CYTH1: variants seen among roughly 807,000 people sequenced by gnomAD.
The protein encoded by CYTH1 is cytohesin 1.
A neutral mutation model predicts 61.8 loss-of-function variants in CYTH1; 18 were observed. The observed-to-expected ratio is 0.29, with a 90% CI of 0.20 to 0.43. CYTH1 has a LOEUF of 0.43. CYTH1 is among the 20% of genes least tolerant of loss of function. The probability of loss-of-function intolerance (pLI) is 1.00; values close to 1 mark genes in which losing one functional copy is unlikely to be tolerated. For synonymous variants in CYTH1, 174 were observed against 184.3 expected (o/e 0.94, Z 0.45); for missense variants, 336 against 510.5 (o/e 0.66, Z 3.29).
chr17:78,694,395 C>T (rs1168129326), intron 10 of CYTH1, among the ~76,000 whole-genome samples: 1 of 152,072 alleles, frequency 6.6e-6, no homozygotes, highest in Non-Finnish European at 1.5e-5. Context: ...GCCACTGGTC[C>T]CTAAAGGTTA....
At chr17:78,701,833 T>G in intron 5 of CYTH1, 82 bp from the exon 6 acceptor site, 5 of 1,377,532 alleles carry the variant, frequency 3.6e-6, no homozygotes, top group South Asian at 1.2e-5. Context: ...CCATGTCTCC[T>G]ACACTGCGTC....
intron 1 of CYTH1, among the ~76,000 whole-genome samples, chr17:78,730,408 G>A (rs1440195491): frequency 2.0e-5 from 3 of 149,008 alleles, no homozygotes; most frequent in Non-Finnish European, 3.0e-5. Flanking sequence ...GCATGGTGGC[G>A]GGTGCCTGTA....
At chr17:78,708,671 C>T (rs967284940) in intron 2 of CYTH1, among the ~76,000 whole-genome samples, 7 of 152,252 alleles carry the variant, frequency 4.6e-5, no homozygotes, top group African/African-American at 1.4e-4. Context: ...GCAGAGCCTG[C>T]AGTAGCTGTG....
In CYTH1 at chr17:78,756,716, G is replaced by C. The variant is rs192447546; in HGVS notation, c.22+25486C>G. On this transcript the variant is annotated intron_variant, in intron 1 of 13. Coordinates refer to ENST00000446868, the MANE Select transcript of CYTH1 (RefSeq NM_004762.6). ...ATTTTGGGGACACAGATGTCTATTAGAAAATACCACTGGGGTGAGAGGATC... is the reference window on the plus strand; with the variant it reads ...ATTTTGGGGACACAGATGTCTATTACAAAATACCACTGGGGTGAGAGGATC... 5.2e-3 allele frequency among the ~76,000 whole-genome samples: 790 copies of C among 152,166 alleles called. 2 individuals carry two copies. Among genetic ancestry groups the C allele is most frequent in the African/African-American group, 0.018 (759 of 41,506 alleles).
At chr17:78,779,015 C>G (rs1032783098) in intron 1 of CYTH1, among the ~76,000 whole-genome samples, 2 of 152,138 alleles carry the variant, frequency 1.3e-5, no homozygotes, top group African/African-American at 4.8e-5. Flanking sequence ...CATCTTACAC[C>G]ATCAGGTACT....
chr17:78,697,600 G>T (rs2092953514), intron 9 of CYTH1, among the ~76,000 whole-genome samples: 1 of 150,854 alleles, frequency 6.6e-6, no homozygotes, highest in Admixed American at 6.6e-5. Flanking sequence ...TTGAAAAGGA[G>T]GGGAAAAAAA....
rs979840468 is a variant in CYTH1 at position 78,700,231 on chromosome 17, G to T, written c.550+100C>A. The stretch of plus-strand genomic sequence containing the variant: ...ACTATCATTGAGTAAACGTTCCTAG[G>T]CATGAATCTCAGCCCTTTTGTTTTA... On this transcript the variant is annotated intron_variant, in intron 7 of 13. Transcript: ENST00000446868. The surrounding 1 kb of genome is among the most constrained non-coding windows in gnomAD (Gnocchi z 5.1). 1 of 1,000,446 alleles carries T rather than the reference G, an allele frequency of 1.0e-6. No homozygotes were observed. The highest frequency in any genetic ancestry group is 1.4e-6 in the Non-Finnish European group (1 of 694,778). 62.0% of individuals were successfully genotyped at this position (1,000,446 alleles called of 1,614,324 possible).
At chr17:78,743,296 C>A (rs534006429) in intron 1 of CYTH1, among the ~76,000 whole-genome samples, 1 of 152,160 alleles carries the variant, frequency 6.6e-6, no homozygotes, top group Non-Finnish European at 1.5e-5. Flanking sequence ...CACTCACCAG[C>A]CCCTCCTTCT....
At chr17:78,778,319 AAG>A (rs541536586) in intron 1 of CYTH1, among the ~76,000 whole-genome samples, 5,184 of 48,302 alleles carry the variant, frequency 0.11, 183 homozygotes, top group East Asian at 0.27. Context: ...AAAAAAAAAA[AAG>A]GGAAAAAAAA....
chr17:78,735,021 G>T (rs2093314220), intron 1 of CYTH1, among the ~76,000 whole-genome samples: 2 of 152,108 alleles, frequency 1.3e-5, no homozygotes, highest in African/African-American at 4.8e-5. Context: ...ATGTCTAAGG[G>T]CATCTATTTT....
chr17:78,762,705 G>A (rs1217963022), intron 1 of CYTH1, among the ~76,000 whole-genome samples: 1 of 152,112 alleles, frequency 6.6e-6, no homozygotes, highest in East Asian at 1.9e-4. Context: ...GGAAGAGGGA[G>A]GCAGGACAAT....
At chr17:78,764,847 T>A (rs1441530516) in intron 1 of CYTH1, among the ~76,000 whole-genome samples, 1 of 152,060 alleles carries the variant, frequency 6.6e-6, no homozygotes, top group Non-Finnish European at 1.5e-5. Context: ...GGGATGAAGA[T>A]TCCTGCCTTG....
Position 78,700,323 on chromosome 17 carries a change from G to GT in CYTH1, c.550+7dup. ...CCATCATAAACTAGGATGAATGATC[G>GT]TATTTACCCGTGGACTGGAACACGC... On this transcript the variant is annotated splice_region_variant and intron_variant, in intron 7 of 13. Coordinates refer to ENST00000446868, the MANE Select transcript of CYTH1 (RefSeq NM_004762.6). The surrounding 1 kb of genome is among the most constrained non-coding windows in gnomAD (Gnocchi z 5.1). 6.2e-7 allele frequency: 1 copy of GT among 1,600,356 alleles called. No individual in the cohort carries two copies. The highest frequency in any genetic ancestry group is 8.5e-7 in the Non-Finnish European group (1 of 1,173,316).
intron 1 of CYTH1, among the ~76,000 whole-genome samples, chr17:78,747,824 G>A (rs550433585): frequency 6.6e-6 from 1 of 152,176 alleles, no homozygotes; most frequent in South Asian, 2.1e-4. Context: ...TCCACTTTGG[G>A]GTTCTTATGA....
chr17:78,736,674 G>C (rs977493906), intron 1 of CYTH1: 1 of 390,202 alleles, frequency 2.6e-6, no homozygotes, highest in African/African-American at 2.1e-5. Context: ...CCGGCCGGGG[G>C]CTGCGGCTTT....
At chr17:78,708,337 C>T (rs1047128407) in intron 2 of CYTH1, 76 bp from the exon 3 acceptor site, 23 of 1,337,854 alleles carry the variant, frequency 1.7e-5, no homozygotes, top group Non-Finnish European at 2.4e-5. Flanking sequence ...TCTCACATAA[C>T]TCCCTCCAAC....
chr17:78,772,991 G>A (rs191634865), intron 1 of CYTH1, among the ~76,000 whole-genome samples: 283 of 152,010 alleles, frequency 1.9e-3, no homozygotes, highest in African/African-American at 6.2e-3. Context: ...CACCACACCC[G>A]GCTAATTTTT....
At chr17:78,712,012 G>T (rs2093137647) in intron 1 of CYTH1, among the ~76,000 whole-genome samples, 1 of 151,786 alleles carries the variant, frequency 6.6e-6, no homozygotes, top group South Asian at 2.1e-4. Flanking sequence ...CTGGGGTGCA[G>T]AGGTTGCAGT....
At position 78,782,188 on chromosome 17, in the gene CYTH1, C is replaced by CGGGGCGCACT; in HGVS notation, c.22+4_22+13dup. On this transcript the variant is annotated intron_variant, in intron 1 of 13. Transcript: ENST00000446868. ...ACAGCGAGGGGGAAGCGTCCGCCGCCGGGGCGCACTGACCGTAGCTGTCGT... is the reference window on the plus strand; with the variant it reads ...ACAGCGAGGGGGAAGCGTCCGCCGCCGGGGCGCACTGGGGCGCACTGACCGTAGCTGTCGT... The CGGGGCGCACT allele has an allele frequency of 7.3e-7, 1 of 1,363,052 alleles. No individual in the cohort carries two copies. Among genetic ancestry groups the CGGGGCGCACT allele is most frequent in the Non-Finnish European group, 9.6e-7 (1 of 1,043,456 alleles). The allele number at this position is 1,363,052 out of a possible 1,614,324, so 84.4% of individuals were successfully genotyped here. A position where few individuals can be genotyped will look rare whatever the true frequency, so the allele number is the denominator to read the frequency against.
Sources: gnomAD v4.1 joint callset for allele counts (sites outside exome capture counted in the v4.1 genomes callset) on GRCh38, gnomAD v4.1.1 for gene constraint, Gnocchi (gnomAD v3.1) non-coding constraint, MANE v1.5 for transcripts, NCBI Gene and HGNC (gene_info 2026-07-23, HGNC 2026-07-21) for gene names.